The following MSRA variants were observed in gnomAD, a reference collection of about 807,000 sequenced individuals.
The protein encoded by MSRA is mitochondrial peptide methionine sulfoxide reductase.
Under a neutral mutation model 31.3 loss-of-function variants are expected in MSRA, and 54 were observed. That is an observed-to-expected ratio of 1.73 (90% confidence interval 1.39 to 2.17). The LOEUF is 2.17. Ranked by LOEUF, MSRA falls within the 30% of genes most tolerant of loss-of-function variation. The pLI is 0.00. For synonymous variants in MSRA, 169 were observed against 116.5 expected (o/e 1.45, Z -2.90); for missense variants, 507 against 300.9 (o/e 1.69, Z -5.07).
intron 5 of MSRA, among the ~76,000 whole-genome samples, chr8:10,338,878 G>A (rs1254661977): frequency 2.6e-5 from 4 of 152,152 alleles, no homozygotes; most frequent in Non-Finnish European, 5.9e-5. Flanking sequence ...TGAGGCTCTA[G>A]GGAGCTGATG....
intron 5 of MSRA, among the ~76,000 whole-genome samples, chr8:10,342,194 C>G (rs1803471294): frequency 6.6e-6 from 1 of 152,212 alleles, no homozygotes; most frequent in Non-Finnish European, 1.5e-5. Context: ...CCATGGGTCT[C>G]ACAAGCATGG....
At chr8:10,417,793 C>CGTGTGTGTGTGT (rs1394839720) in intron 5 of MSRA, among the ~76,000 whole-genome samples, 1 of 64,352 alleles carries the variant, frequency 1.6e-5, no homozygotes, top group African/African-American at 6.6e-5. Context: ...TGTACACGCA[C>CGTGTGTGTGTGT]GTGTGCACAC....
intron 1 of MSRA, among the ~76,000 whole-genome samples, chr8:10,108,585 G>T (rs1182020523): frequency 6.6e-6 from 1 of 152,082 alleles, no homozygotes; most frequent in African/African-American, 2.4e-5. Context: ...TATTATTCAT[G>T]CCCTCTTCTC....
chr8:10,183,714 A>T (rs951046001), intron 1 of MSRA, among the ~76,000 whole-genome samples: 1 of 149,850 alleles, frequency 6.7e-6, no homozygotes, highest in African/African-American at 2.4e-5. Context: ...ATACAGAGGC[A>T]TAGTGTTTTT....
At chr8:10,339,412 C>G (rs1803265347) in intron 5 of MSRA, among the ~76,000 whole-genome samples, 1 of 151,702 alleles carries the variant, frequency 6.6e-6, no homozygotes, top group Admixed American at 6.6e-5. Context: ...TGAATTGGAT[C>G]TATTTAGATG....
chr8:10,373,753 G>T (rs1563407545), intron 5 of MSRA, among the ~76,000 whole-genome samples: 1 of 152,258 alleles, frequency 6.6e-6, no homozygotes, highest in African/African-American at 2.4e-5. Flanking sequence ...AAGTGGGACA[G>T]GTGAGAATGG....
chr8:10,219,344 C>T (rs186891709), intron 2 of MSRA, among the ~76,000 whole-genome samples: 2 of 152,088 alleles, frequency 1.3e-5, no homozygotes, highest in Non-Finnish European at 2.9e-5. Flanking sequence ...TAAAACTGTT[C>T]GTGGTTATCA....
intron 3 of MSRA, among the ~76,000 whole-genome samples, chr8:10,273,600 A>G (rs183461615): frequency 2.6e-5 from 4 of 152,310 alleles, no homozygotes; most frequent in Admixed American, 2.6e-4. Flanking sequence ...TCAGTGATAG[A>G]AAGTTAGCTT....
intron 5 of MSRA, chr8:10,337,943 A>G: frequency 1.6e-6 from 1 of 632,946 alleles, no homozygotes. Context: ...AAGACTTGGA[A>G]GTAGGGAGGT....
intron 1 of MSRA, among the ~76,000 whole-genome samples, chr8:10,142,109 C>G (rs1165827251): frequency 6.6e-6 from 1 of 152,176 alleles, no homozygotes; most frequent in African/African-American, 2.4e-5. Flanking sequence ...CAGGCCTTTG[C>G]CACCACGGCC....
intron 5 of MSRA, among the ~76,000 whole-genome samples, chr8:10,405,807 TCGC>T (rs1807774843): frequency 6.6e-6 from 1 of 151,572 alleles, no homozygotes; most frequent in East Asian, 1.9e-4. Flanking sequence ...ACACACATGC[TCGC>T]GTACACCCAT....
intron 2 of MSRA, among the ~76,000 whole-genome samples, chr8:10,232,347 A>G (rs2129073859): frequency 6.6e-6 from 1 of 152,306 alleles, no homozygotes; most frequent in Middle Eastern, 3.4e-3. Context: ...CTTAGTAGGC[A>G]GAGGTGGAGA....
At chr8:10,261,064 A>G (rs1798453679) in intron 3 of MSRA, among the ~76,000 whole-genome samples, 1 of 152,210 alleles carries the variant, frequency 6.6e-6, no homozygotes, top group Admixed American at 6.5e-5. Context: ...TTAAAAACCA[A>G]ATAGTACTAA....
At chr8:10,200,280 T>C (rs966703065) in intron 1 of MSRA, among the ~76,000 whole-genome samples, 4 of 152,228 alleles carry the variant, frequency 2.6e-5, no homozygotes, top group Admixed American at 1.3e-4. Context: ...TTTTTCGTGC[T>C]GTGATTTTTC....
chr8:10,154,785 G>A (rs1442497562), intron 1 of MSRA, among the ~76,000 whole-genome samples: 1 of 151,840 alleles, frequency 6.6e-6, no homozygotes. Context: ...ATTGTATGAA[G>A]ATCATTTAAA....
chr8:10,132,259 T>C (rs1409261366), intron 1 of MSRA, among the ~76,000 whole-genome samples: 2 of 152,242 alleles, frequency 1.3e-5, no homozygotes, highest in African/African-American at 2.4e-5. Flanking sequence ...AGATGACTTA[T>C]TTGACATTAG....
intron 3 of MSRA, chr8:10,250,738 T>G: frequency 2.1e-6 from 1 of 471,458 alleles, no homozygotes; most frequent in African/African-American, 1.9e-5. Context: ...CCTAAAATAT[T>G]TACTGTCAGG....
intron 1 of MSRA, among the ~76,000 whole-genome samples, chr8:10,126,745 C>T (rs1801527109): frequency 6.6e-6 from 1 of 152,202 alleles, no homozygotes; most frequent in South Asian, 2.1e-4. Flanking sequence ...AACTCCTGAG[C>T]TCAAGTGATC....
chr8:10,260,531 G>A (rs1425046445), intron 3 of MSRA, among the ~76,000 whole-genome samples: 1 of 152,164 alleles, frequency 6.6e-6, no homozygotes, highest in African/African-American at 2.4e-5. Flanking sequence ...TGGAGTTAGG[G>A]CAACAGATGG....
Sources: gnomAD v4.1 joint callset for allele counts (sites outside exome capture counted in the v4.1 genomes callset) on GRCh38, gnomAD v4.1.1 for gene constraint, MANE v1.5 for transcripts, NCBI Gene and HGNC (gene_info 2026-07-23, HGNC 2026-07-21) for gene names.